CDH2: variants seen among roughly 807,000 people sequenced by gnomAD.
The protein encoded by CDH2 is cadherin 2.
Under a neutral mutation model 92.0 loss-of-function variants are expected in CDH2, and 17 were observed. That is an observed-to-expected ratio of 0.18 (90% CI 0.13 to 0.28). The LOEUF is 0.28. Among genes scored for constraint, CDH2 ranks in the 10% least tolerant of loss-of-function variants. The pLI, the probability that CDH2 is intolerant of heterozygous loss-of-function variation, is 1.00. For missense variants in CDH2, 862 were observed against 1,133.1 expected (o/e 0.76, Z 3.44); for synonymous variants, 419 against 415.9 (o/e 1.01, Z -0.09).
At chr18:28,077,834 T>G (rs1309802259) in intron 2 of CDH2, among the ~76,000 whole-genome samples, 2 of 133,620 alleles carry the variant, frequency 1.5e-5, no homozygotes, top group Non-Finnish European at 3.0e-5. Flanking sequence ...GAGGTTGCAC[T>G]GAGCTGAGAT....
intron 2 of CDH2, among the ~76,000 whole-genome samples, chr18:28,067,819 GT>G (rs984334593): frequency 6.6e-6 from 1 of 152,094 alleles, no homozygotes; most frequent in Non-Finnish European, 1.5e-5. Flanking sequence ...TTAGGGTCAA[GT>G]TTTAATATTC....
chr18:27,993,412 C>CT, intron 8 of CDH2, 88 bp downstream of exon 8: 1 of 1,330,832 alleles, frequency 7.5e-7, no homozygotes, highest in South Asian at 1.5e-5. Flanking sequence ...CAAGTTCCAC[C>CT]TCTATTTAAC....
At chr18:27,984,695 T>C (rs1299965740) in intron 13 of CDH2, among the ~76,000 whole-genome samples, 2 of 152,216 alleles carry the variant, frequency 1.3e-5, no homozygotes, top group African/African-American at 2.4e-5. Context: ...AAACTTGGGA[T>C]TGTTTAATGT....
intron 14 of CDH2, among the ~76,000 whole-genome samples, chr18:27,969,076 A>G (rs1418141974): frequency 6.6e-6 from 1 of 152,346 alleles, no homozygotes; most frequent in East Asian, 1.9e-4. Flanking sequence ...TTTCTTCCCC[A>G]GTGAAATATC....
intron 2 of CDH2, among the ~76,000 whole-genome samples, chr18:28,142,668 G>A (rs2015974003): frequency 6.6e-6 from 1 of 151,838 alleles, no homozygotes; most frequent in Non-Finnish European, 1.5e-5. Context: ...ATATCCAAGA[G>A]AACAATCTCT....
At chr18:28,162,463 T>G (rs144879327) in intron 1 of CDH2, among the ~76,000 whole-genome samples, 1 of 152,244 alleles carries the variant, frequency 6.6e-6, no homozygotes, top group Non-Finnish European at 1.5e-5. Flanking sequence ...CATGAGACAC[T>G]TGCATCTCCG....
At chr18:28,166,149 C>CACATATATATATATATAT (rs2016376891) in intron 1 of CDH2, among the ~76,000 whole-genome samples, 1 of 59,290 alleles carries the variant, frequency 1.7e-5, no homozygotes, top group African/African-American at 7.5e-5. Flanking sequence ...CAGACACACT[C>CACATATATATATATATAT]ATATATATAT....
chr18:28,103,686 G>A (rs992805318), intron 2 of CDH2, among the ~76,000 whole-genome samples: 3 of 151,582 alleles, frequency 2.0e-5, no homozygotes, highest in Non-Finnish European at 2.9e-5. Flanking sequence ...AGTGTGTGAT[G>A]TTCCCCTCCC....
intron 2 of CDH2, chr18:28,045,422 T>A (rs1025882067): frequency 2.1e-6 from 1 of 468,800 alleles, no homozygotes. Flanking sequence ...CCTTTGAGTG[T>A]TACACATGTC....
intron 15 of CDH2, among the ~76,000 whole-genome samples, chr18:27,958,944 C>CT (rs1440444635): frequency 6.6e-6 from 1 of 152,174 alleles, no homozygotes; most frequent in East Asian, 1.9e-4. Context: ...TTTCCTGAGG[C>CT]TTTCCCAGCC....
At chr18:28,080,081 A>G (rs1183652207) in intron 2 of CDH2, among the ~76,000 whole-genome samples, 1 of 152,202 alleles carries the variant, frequency 6.6e-6, no homozygotes, top group Non-Finnish European at 1.5e-5. Context: ...CAGTGCTGAT[A>G]TTCAAAAGAG....
In CDH2 at chr18:27,990,308, C is replaced by T. The variant is rs1368666457; in HGVS notation, c.1387G>A (p.Ala463Thr). The change falls in exon 10 of 16, where the codon GCT becomes ACT. Residue 463 changes from alanine to threonine, a missense_variant. Around this residue, in one of 5 missense-constraint regions of CDH2, gnomAD observed 564 missense variants for 722.2 expected, o/e 0.78. Coordinates refer to ENST00000269141, the MANE Select transcript of CDH2 (RefSeq NM_001792.5). ...GCTAATGGCACTTGATTTTCTGCAG[C>T]AACAGTAAGGACAAACATCCTATTT... Reference protein sequence around the residue: ...ETNRMFVLTVAAENQVPLAKG... With the variant: ...ETNRMFVLTVTAENQVPLAKG... 6.2e-7 allele frequency: 1 copy of T among 1,613,626 alleles called. No individual in the cohort carries two copies.
chr18:27,959,830 T>C (rs914107072), intron 15 of CDH2, among the ~76,000 whole-genome samples: 1 of 152,140 alleles, frequency 6.6e-6, no homozygotes, highest in Admixed American at 6.5e-5. Context: ...TCCTTCACAT[T>C]TCTCTATCTT....
At chr18:28,109,258 C>T (rs1437194498) in intron 2 of CDH2, among the ~76,000 whole-genome samples, 2 of 152,170 alleles carry the variant, frequency 1.3e-5, no homozygotes, top group African/African-American at 4.8e-5. Context: ...CCTGTGACCA[C>T]AAGTAAGCTT....
intron 2 of CDH2, among the ~76,000 whole-genome samples, chr18:28,067,144 T>C (rs756693293): frequency 2.0e-5 from 3 of 152,164 alleles, no homozygotes; most frequent in Non-Finnish European, 4.4e-5. Context: ...TTATGAAATA[T>C]ATATTTTTGT....
In CDH2 at chr18:28,040,129, G is replaced by A. The variant is rs141880998; in HGVS notation, c.173-26220C>T. On this transcript the variant is annotated intron_variant, in intron 2 of 15. Coordinates refer to ENST00000269141, the MANE Select transcript of CDH2 (RefSeq NM_001792.5). Reference sequence around the variant, plus strand: ...CAATGACACTTACTGAAAGTTGATTGAGCATTTGTGCACAGGGCCTCAGAG... The same window carrying A: ...CAATGACACTTACTGAAAGTTGATTAAGCATTTGTGCACAGGGCCTCAGAG... 3.0e-4 allele frequency among the ~76,000 whole-genome samples: 46 copies of A among 152,258 alleles called. No homozygotes were observed. The East Asian group carries it at 8.9e-3, about 29-fold the overall frequency.
At chr18:28,173,716 A>T (rs2144374917) in intron 1 of CDH2, among the ~76,000 whole-genome samples, 1 of 152,272 alleles carries the variant, frequency 6.6e-6, no homozygotes, top group Non-Finnish European at 1.5e-5. Context: ...AACGTATTTA[A>T]ATTAGAACAA....
chr18:28,161,933 G>A (rs1259839744), intron 1 of CDH2, among the ~76,000 whole-genome samples: 2 of 152,156 alleles, frequency 1.3e-5, no homozygotes, highest in Non-Finnish European at 2.9e-5. Flanking sequence ...ATATTGTTAA[G>A]CTATAGGTCC....
intron 15 of CDH2, among the ~76,000 whole-genome samples, chr18:27,954,279 G>T (rs774151515): frequency 5.9e-5 from 9 of 152,072 alleles, no homozygotes; most frequent in Admixed American, 2.0e-4. Flanking sequence ...CCCTTCTGTG[G>T]TAGATTGTGT....
Sources: gnomAD v4.1 joint callset for allele counts (sites outside exome capture counted in the v4.1 genomes callset) on GRCh38, gnomAD v4.1.1 for gene constraint, gnomAD v4.1.1 regional missense constraint, MANE v1.5 for transcripts, NCBI Gene and HGNC (gene_info 2026-07-23, HGNC 2026-07-21) for gene names.